The following DLG2 variants were observed in gnomAD, a reference collection of about 807,000 sequenced individuals.
DLG2 encodes disks large homolog 2.
Under a neutral mutation model 132.5 loss-of-function variants are expected in DLG2, and 45 were observed. The ratio of observed to expected loss-of-function variants is 0.34; its 90% CI spans 0.27 to 0.44. DLG2 has a LOEUF of 0.44. Among genes scored for constraint, DLG2 ranks in the 20% least tolerant of loss-of-function variants. DLG2 has a pLI of 1.00. For synonymous variants in DLG2, 424 were observed against 419.6 expected (o/e 1.01, Z -0.13); for missense variants, 1,045 against 1,196.9 (o/e 0.87, Z 1.87).
chr11:85,486,445 AC>A (rs2093431474), intron 3 of DLG2, among the ~76,000 whole-genome samples: 1 of 152,180 alleles, frequency 6.6e-6, no homozygotes, highest in Admixed American at 6.5e-5. Context: ...TAAACACACT[AC>A]CAGGGAGCCT....
intron 3 of DLG2, among the ~76,000 whole-genome samples, chr11:85,373,024 T>C (rs567119585): frequency 6.6e-6 from 1 of 152,360 alleles, no homozygotes; most frequent in African/African-American, 2.4e-5. Context: ...TAGGTAATTG[T>C]GTCTCCATAC....
chr11:85,266,418 A>G (rs1321918795), intron 4 of DLG2, among the ~76,000 whole-genome samples: 2 of 152,156 alleles, frequency 1.3e-5, no homozygotes, highest in Non-Finnish European at 2.9e-5. Flanking sequence ...ATGAGAACAC[A>G]TAGACACAGG....
At chr11:85,305,318 A>G (rs1366467146) in intron 3 of DLG2, among the ~76,000 whole-genome samples, 4 of 152,200 alleles carry the variant, frequency 2.6e-5, no homozygotes, top group Non-Finnish European at 5.9e-5. Context: ...ATTGGTATAA[A>G]GCAGCGATTA....
intron 6 of DLG2, among the ~76,000 whole-genome samples, chr11:84,742,474 C>T (rs1443484580): frequency 3.9e-5 from 6 of 152,122 alleles, no homozygotes; most frequent in Non-Finnish European, 7.4e-5. Context: ...ACCTTACAGG[C>T]GTTTTTCAAA....
At chr11:85,335,700 T>C (rs572725425) in intron 3 of DLG2, among the ~76,000 whole-genome samples, 44 of 152,018 alleles carry the variant, frequency 2.9e-4, no homozygotes, top group African/African-American at 1.0e-3. Context: ...AATGCTTGGA[T>C]GACAAACACC....
chr11:84,319,683 G>A (rs533431567), intron 7 of DLG2, among the ~76,000 whole-genome samples: 1 of 152,146 alleles, frequency 6.6e-6, no homozygotes, highest in Admixed American at 6.5e-5. Context: ...GGGTTGTTCA[G>A]AATGCGCAAT....
At chr11:84,131,752 A>G (rs777040015) in intron 9 of DLG2, among the ~76,000 whole-genome samples, 2 of 151,954 alleles carry the variant, frequency 1.3e-5, no homozygotes, top group Non-Finnish European at 2.9e-5. Context: ...CAAAAAACCC[A>G]AACAGTGATG....
intron 7 of DLG2, among the ~76,000 whole-genome samples, chr11:84,288,484 T>A (rs886678355): frequency 5.9e-5 from 9 of 152,084 alleles, no homozygotes; most frequent in Non-Finnish European, 1.0e-4. Context: ...TGCAGTTATT[T>A]GTTAAAATAA....
chr11:85,326,222 C>G (rs1172809447), intron 3 of DLG2, among the ~76,000 whole-genome samples: 5 of 128,450 alleles, frequency 3.9e-5, no homozygotes. Flanking sequence ...AGGAGAACTT[C>G]CCCAATCTAG....
At chr11:84,720,502 C>G (rs2061687485) in intron 6 of DLG2, 1 of 984,922 alleles carries the variant, frequency 1.0e-6, no homozygotes, top group Non-Finnish European at 1.2e-6. Flanking sequence ...CGATCACTGC[C>G]CCCTGCACCC....
intron 18 of DLG2, chr11:83,647,925 A>G (rs971754303): frequency 2.0e-5 from 3 of 152,172 alleles, no homozygotes; most frequent in Non-Finnish European, 2.9e-5. Context: ...CATGTTCTAT[A>G]TCCCCAAACC....
intron 8 of DLG2, among the ~76,000 whole-genome samples, chr11:84,206,818 C>A: frequency 6.6e-6 from 1 of 151,992 alleles, no homozygotes; most frequent in Admixed American, 6.6e-5. Flanking sequence ...ATAAAAATGA[C>A]TTTGTTTGCA....
At position 84,687,292 on chromosome 11, in the gene DLG2, G is replaced by A. The variant is rs569050108; in HGVS notation, c.358-152561C>T. The A allele has an allele frequency of 2.6e-5, 4 of 152,106 alleles. No homozygotes were observed. In the East Asian group the frequency reaches 5.8e-4, roughly 22 times the overall value. 9.4% of individuals were successfully genotyped at this position (152,106 alleles called of 1,614,324 possible). A position where few individuals can be genotyped will look rare whatever the true frequency, so the allele number is the denominator to read the frequency against. On this transcript the variant is annotated intron_variant, in intron 6 of 27. Transcript: ENST00000376104. ...AGTTTCCTCACCTGTAAAACATAAC[G>A]ACATAACTGATTTTACAGGGTTGTT...
intron 7 of DLG2, among the ~76,000 whole-genome samples, chr11:84,456,869 T>C (rs780713364): frequency 2.0e-5 from 3 of 151,252 alleles, no homozygotes; most frequent in Non-Finnish European, 4.4e-5. Flanking sequence ...CATCAAATAT[T>C]TGGAAGTGGT....
At chr11:83,895,774 T>G (rs2071466938) in intron 15 of DLG2, among the ~76,000 whole-genome samples, 1 of 152,210 alleles carries the variant, frequency 6.6e-6, no homozygotes, top group African/African-American at 2.4e-5. Context: ...CACCCAGGCA[T>G]GTCCTCATCA....
At chr11:85,048,836 A>C (rs2062610989) in intron 6 of DLG2, among the ~76,000 whole-genome samples, 1 of 152,100 alleles carries the variant, frequency 6.6e-6, no homozygotes, top group South Asian at 2.1e-4. Flanking sequence ...AAAACTATGC[A>C]TAAATGCATT....
At chr11:85,318,683 G>C (rs1043571632) in intron 3 of DLG2, among the ~76,000 whole-genome samples, 10 of 151,714 alleles carry the variant, frequency 6.6e-5, no homozygotes, top group Non-Finnish European at 1.5e-4. Context: ...ATGAAAGAAA[G>C]ATTTCTAAGA....
intron 8 of DLG2, among the ~76,000 whole-genome samples, chr11:84,194,567 G>T (rs12794827): frequency 0.049 from 7,462 of 152,192 alleles, 219 homozygotes; most frequent in Non-Finnish European, 0.06. Flanking sequence ...CCTGCTGATT[G>T]GTCCATTTTA....
chr11:83,689,229 T>C (rs1449982830), intron 18 of DLG2, among the ~76,000 whole-genome samples: 1 of 152,100 alleles, frequency 6.6e-6, no homozygotes, highest in Non-Finnish European at 1.5e-5. Flanking sequence ...TGGGTCTTAA[T>C]AGATGAGTAG....
Sources: allele counts gnomAD v4.1 joint callset (sites outside exome capture counted in the v4.1 genomes callset), GRCh38; gene constraint gnomAD v4.1.1; transcripts MANE v1.5; gene names NCBI Gene and HGNC (gene_info 2026-07-23, HGNC 2026-07-21).